PCDHGB3: variants seen among roughly 807,000 people sequenced by gnomAD.
PCDHGB3 encodes the protein protocadherin gamma subfamily B, 3, also known as protocadherin gamma-B3.
In PCDHGB3, 40 loss-of-function variants were observed where a neutral mutation model predicts 59.2. That is an observed-to-expected ratio of 0.68 (90% CI 0.52 to 0.88). The LOEUF (loss-of-function observed/expected upper bound fraction) is 0.88, where lower values mean the gene tolerates loss of function less well. PCDHGB3 is among the 40% of genes least tolerant of loss of function. PCDHGB3 has a pLI of 0.00. For synonymous variants in PCDHGB3, 581 were observed against 503.6 expected (o/e 1.15, Z -2.06); for missense variants, 1,309 against 1,187.9 (o/e 1.10, Z -1.50).
intron 1 of PCDHGB3, chr5:141,427,231 G>A (rs1561827383): frequency 2.2e-6 from 1 of 456,612 alleles, no homozygotes; most frequent in African/African-American, 2.0e-5. Flanking sequence ...TATACCATGA[G>A]AGTAGAAGCT....
rs375879976 is a variant in PCDHGB3 at position 141,376,437 on chromosome 5, A to G, written c.2415+3628A>G. 2.7e-4 allele frequency: 434 copies of G among 1,614,084 alleles called. No homozygotes were observed. The highest frequency in any genetic ancestry group is 3.3e-4 in the Non-Finnish European group (388 of 1,180,040). ...GACACGCTTATCAACCAGGAGAGCT[A>G]TGAGAAAAGCGAGCCTCTTCTGATA... On this transcript the variant is annotated intron_variant, in intron 1 of 3. Coordinates refer to ENST00000576222, the MANE Select transcript of PCDHGB3 (RefSeq NM_018924.5).
At chr5:141,467,932 TA>T (rs1391978978) in intron 1 of PCDHGB3, among the ~76,000 whole-genome samples, 4 of 152,186 alleles carry the variant, frequency 2.6e-5, no homozygotes, top group Non-Finnish European at 4.4e-5. Flanking sequence ...ATGCTAGGAT[TA>T]CAAGCATGAG....
In PCDHGB3 at chr5:141,384,758, G is replaced by A. The variant is rs369146747; in HGVS notation, c.2415+11949G>A. ...AGCGAGCCAGGACTCTTTGCGGTTG[G>A]GCTGTACACGGGCGAGGTGCGCACG... is the stretch of plus-strand genomic sequence containing the variant. On this transcript the variant is annotated intron_variant, in intron 1 of 3. Coordinates refer to ENST00000576222, the MANE Select transcript of PCDHGB3 (RefSeq NM_018924.5). 57 of 1,613,872 alleles carry A rather than the reference G, an allele frequency of 3.5e-5. No individual in the cohort carries two copies. The highest frequency in any genetic ancestry group is 4.1e-5 in the Non-Finnish European group (48 of 1,180,038).
intron 1 of PCDHGB3, chr5:141,389,364 C>T: frequency 1.2e-6 from 2 of 1,613,854 alleles, no homozygotes; most frequent in Non-Finnish European, 1.7e-6. Context: ...GGCCAGTGAC[C>T]TGGAGCAGCG....
intron 1 of PCDHGB3, among the ~76,000 whole-genome samples, chr5:141,439,139 G>T (rs2098090438): frequency 6.6e-6 from 1 of 150,672 alleles, no homozygotes; most frequent in South Asian, 2.1e-4. Flanking sequence ...GTTGCAGTGA[G>T]CTGAGATCAC....
Position 141,487,289 on chromosome 5 carries a change from G to A in PCDHGB3, c.2416-7518G>A. The A allele has an allele frequency of 1.2e-6, 2 of 1,614,096 alleles. No individual in the cohort carries two copies. The highest frequency in any genetic ancestry group is 1.7e-6 in the Non-Finnish European group (2 of 1,180,024). On this transcript the variant is annotated intron_variant, in intron 1 of 3. Coordinates refer to ENST00000576222, the MANE Select transcript of PCDHGB3 (RefSeq NM_018924.5). The surrounding 1 kb of genome is among the most constrained non-coding windows in gnomAD (Gnocchi z 5.0). ...AGTGGCAATTTGCTTTGTCTCCTTTGGCTCATTCGTGGCACTACTCTCTAA... is the reference window on the plus strand; with the variant it reads ...AGTGGCAATTTGCTTTGTCTCCTTTAGCTCATTCGTGGCACTACTCTCTAA...
Position 141,476,657 on chromosome 5 carries a change from G to A in PCDHGB3, c.2416-18150G>A, listed in dbSNP as rs759887729. On this transcript the variant is annotated intron_variant, in intron 1 of 3. Coordinates refer to ENST00000576222, the MANE Select transcript of PCDHGB3 (RefSeq NM_018924.5). This position sits in a 1 kb window ranked among gnomAD's most constrained non-coding sequence, Gnocchi z 7.6. ...TGAGCTGAGCCGAAATGAATACTTTGCGCTTCGCGTGCAGACGCGGGAGGA... is the reference window on the plus strand; with the variant it reads ...TGAGCTGAGCCGAAATGAATACTTTACGCTTCGCGTGCAGACGCGGGAGGA... 1.9e-6 allele frequency: 3 copies of A among 1,614,140 alleles called. No homozygotes were observed. Among genetic ancestry groups the A allele is most frequent in the Non-Finnish European group, 2.5e-6 (3 of 1,180,060 alleles).
chr5:141,510,251 C>G (rs569804850), intron 3 of PCDHGB3, among the ~76,000 whole-genome samples: 1 of 144,724 alleles, frequency 6.9e-6, no homozygotes, highest in African/African-American at 2.6e-5. Flanking sequence ...CCAGGCTGGG[C>G]GACAGAGCAG....
At chr5:141,386,815 T>G (rs1043016890) in intron 1 of PCDHGB3, among the ~76,000 whole-genome samples, 22 of 152,220 alleles carry the variant, frequency 1.4e-4, no homozygotes, top group African/African-American at 4.8e-4. Context: ...TGCATAAAAT[T>G]GTTTTTAAGC....
chr5:141,428,121 G>A (rs764584436), intron 1 of PCDHGB3: 2 of 1,605,742 alleles, frequency 1.2e-6, no homozygotes, highest in Admixed American at 1.7e-5. Flanking sequence ...CATCGAGCCC[G>A]GGCTTTTCAG....
rs2099681350 is a variant in PCDHGB3, at chr5:141,489,024, C to T, written c.2416-5783C>T. 1 of 450,378 alleles carries T rather than the reference C, an allele frequency of 2.2e-6. No individual in the cohort carries two copies. The highest frequency in any genetic ancestry group is 3.9e-6 in the Non-Finnish European group (1 of 256,582). 27.9% of individuals were successfully genotyped at this position (450,378 alleles called of 1,614,324 possible). On this transcript the variant is annotated intron_variant, in intron 1 of 3. Coordinates refer to ENST00000576222, the MANE Select transcript of PCDHGB3 (RefSeq NM_018924.5). The surrounding 1 kb of genome is among the most constrained non-coding windows in gnomAD (Gnocchi z 4.5). ...CTGCTCTTCCAGCCCGCCTCTCCTC[C>T]TCCAGCTCCCCAGCTCCACTCAAAT... is the stretch of plus-strand genomic sequence containing the variant.
chr5:141,480,414 CAA>C (rs10712552), intron 1 of PCDHGB3, among the ~76,000 whole-genome samples: 346 of 147,498 alleles, frequency 2.3e-3, no homozygotes, highest in African/African-American at 8.3e-3. Flanking sequence ...GACCCTGTCT[CAA>C]AAAAAAAAAT....
chr5:141,399,355 C>A (rs1437917208), intron 1 of PCDHGB3: 1 of 1,614,006 alleles, frequency 6.2e-7, no homozygotes, highest in South Asian at 1.1e-5. Flanking sequence ...AGACCGAGAG[C>A]AAACCCCGGA....
intron 1 of PCDHGB3, chr5:141,393,973 G>T (rs776954838): frequency 4.3e-6 from 7 of 1,613,668 alleles, no homozygotes; most frequent in Non-Finnish European, 5.1e-6. Context: ...TGTTACACAC[G>T]TGATAATTTA....
chr5:141,409,541 G>A (rs1485327824), intron 1 of PCDHGB3: 5 of 1,613,852 alleles, frequency 3.1e-6, no homozygotes, highest in South Asian at 1.1e-5. Flanking sequence ...TGACATCAAC[G>A]ACAACGCCCC....
chr5:141,432,084 T>A lies in PCDHGB3; in HGVS notation c.2415+59275T>A, dbSNP rs1372151428. 1.2e-6 allele frequency: 2 copies of A among 1,614,186 alleles called. No individual in the cohort carries two copies. Among genetic ancestry groups the A allele is most frequent in the Admixed American group, 1.7e-5 (1 of 60,022 alleles). On this transcript the variant is annotated intron_variant, in intron 1 of 3. Transcript: ENST00000576222. This position sits in a 1 kb window ranked among gnomAD's most constrained non-coding sequence, Gnocchi z 6.0. Reference sequence around the variant, plus strand: ...ACGGAAACTCATATCTCGCTGAACGTGGCAGACACCAACGACAACCCGCCG... The same window carrying A: ...ACGGAAACTCATATCTCGCTGAACGAGGCAGACACCAACGACAACCCGCCG...
At chr5:141,445,294 T>G (rs1012635904) in intron 1 of PCDHGB3, among the ~76,000 whole-genome samples, 2 of 152,238 alleles carry the variant, frequency 1.3e-5, no homozygotes. Flanking sequence ...CAGGCTTCCA[T>G]TCTCTTCAGT....
At chr5:141,494,676 CT>C (rs2099756021) in intron 1 of PCDHGB3, 130 bp from the exon 2 acceptor site, 6 of 1,550,918 alleles carry the variant, frequency 3.9e-6, no homozygotes, top group Non-Finnish European at 4.4e-6. Context: ...GAGTCCACCC[CT>C]GCCCCCTCTT....
Position 141,477,952 on chromosome 5 carries a change from A to T in PCDHGB3, c.2416-16855A>T, listed in dbSNP as rs907708638. ...CCTGGCTCTCCTACAGTCTCTTGGG[A>T]TCCCCTAACCAGAGCCTTTTTGCCA... On this transcript the variant is annotated intron_variant, in intron 1 of 3. Coordinates refer to ENST00000576222, the MANE Select transcript of PCDHGB3 (RefSeq NM_018924.5). This position sits in a 1 kb window ranked among gnomAD's most constrained non-coding sequence, Gnocchi z 4.9. The T allele has an allele frequency of 1.9e-6, 3 of 1,613,920 alleles. No individual in the cohort carries two copies. The African/African-American group carries it at 4.0e-5, about 22-fold the overall frequency.
Sources: allele counts gnomAD v4.1 joint callset (sites outside exome capture counted in the v4.1 genomes callset), GRCh38; gene constraint gnomAD v4.1.1; non-coding constraint Gnocchi (gnomAD v3.1); transcripts MANE v1.5; gene names NCBI Gene and HGNC (gene_info 2026-07-23, HGNC 2026-07-21).